The following MSH6 variants were observed in gnomAD, a reference collection of about 807,000 sequenced individuals.
MSH6 encodes the protein mutS homolog 6.
MSH6 carries 85 observed loss-of-function variants against 119.1 expected under a neutral mutation model. The observed-to-expected ratio is 0.71, with a 90% CI of 0.60 to 0.85. MSH6 has a LOEUF of 0.85. Ranked by LOEUF, MSH6 falls within the 40% of genes least tolerant of loss-of-function variation. MSH6 has a pLI of 0.00. For missense variants in MSH6, 2,163 were observed against 1,655.3 expected (o/e 1.31, Z -5.32); for synonymous variants, 830 against 586.9 (o/e 1.41, Z -5.99).
At chr2:47,808,635 T>G (rs1385110121), downstream of MSH6, 6 of 486,480 alleles carry the variant, frequency 1.2e-5, no homozygotes. Flanking sequence ...GAGAAATGAT[T>G]TGTAAATTGT....
At chr2:47,785,690 G>T (rs185218426) in intron 1 of MSH6, among the ~76,000 whole-genome samples, 28 of 152,250 alleles carry the variant, frequency 1.8e-4, no homozygotes, top group African/African-American at 6.5e-4. Flanking sequence ...ATGCTTGTGG[G>T]GAACAGAGCC....
intron 3 of MSH6, 69 bp downstream of exon 3, chr2:47,796,132 T>C: frequency 1.3e-6 from 2 of 1,504,972 alleles, no homozygotes; most frequent in Middle Eastern, 2.0e-4. Context: ...GGAGGGTGTA[T>C]TAACAAGATA....
rs1395549583 is a variant in MSH6, at chr2:47,800,589, G to A, written c.2606G>A (p.Cys869Tyr). The A allele has an allele frequency of 6.2e-7, 1 of 1,614,124 alleles. No homozygotes were observed. The highest frequency in any genetic ancestry group is 1.1e-5 in the South Asian group (1 of 91,074). ...GCTCTGGAAGGATTCAAAGTAATGT[G>A]TAAAATTATAGGGATCATGGAAGAA... ...LSALEGFKVM[C>Y]KIIGIMEEVA... Residue 869 changes from cysteine to tyrosine, a missense_variant, in exon 4 of 10, where the codon TGT becomes TAT. Transcript: ENST00000234420.
chr2:47,798,509 A>ACAC (rs1646461233), intron 3 of MSH6, 102 bp from the exon 4 acceptor site: 1 of 1,204,606 alleles, frequency 8.3e-7, no homozygotes, highest in Admixed American at 2.0e-5. Context: ...CAGTGGCTGC[A>ACAC]CGGGTACCAT....
At position 47,798,751 on chromosome 2, in the gene MSH6, T is replaced by C. The variant is rs1558659235; in HGVS notation, c.768T>C (p.Ser256=). Residue 256 remains serine, a synonymous_variant, in exon 4 of 10, where the codon AGT becomes AGC. Transcript: ENST00000234420. ...KKRRVISDSE[S]DIGGSDVEFK... is the part of the protein sequence containing the mutation. ...GAAGGGTCATATCAGATTCTGAGAG[T>C]GACATTGGTGGCTCTGATGTGGAAT... 6.2e-7 allele frequency: 1 copy of C among 1,613,682 alleles called. No homozygotes were observed. The highest frequency in any genetic ancestry group is 8.5e-7 in the Non-Finnish European group (1 of 1,179,936).
At chr2:47,808,577 C>G (rs1419054371), downstream of MSH6, 3 of 565,876 alleles carry the variant, frequency 5.3e-6, no homozygotes, top group Admixed American at 1.1e-4. Flanking sequence ...TGAAAAGGAA[C>G]TTTAATGGAG....
At chr2:47,797,253 G>C (rs1669156587) in intron 3 of MSH6, among the ~76,000 whole-genome samples, 1 of 152,190 alleles carries the variant, frequency 6.6e-6, no homozygotes, top group African/African-American at 2.4e-5. Context: ...CATCCTAAAA[G>C]ACATTCATCT....
downstream of MSH6, chr2:47,807,405 A>AAT (rs1471211023): frequency 4.8e-6 from 1 of 206,762 alleles, no homozygotes; most frequent in Non-Finnish European, 9.9e-6. Context: ...GGTGATTTTG[A>AAT]ATGCTGCACA....
At chr2:47,790,407 G>A (rs147543137) in intron 1 of MSH6, among the ~76,000 whole-genome samples, 93 of 152,290 alleles carry the variant, frequency 6.1e-4, no homozygotes, top group African/African-American at 2.1e-3. Context: ...TGTAGGGGGA[G>A]GGTAATAGAG....
At chr2:47,802,945 T>C (rs1213818978) in intron 4 of MSH6, among the ~76,000 whole-genome samples, 1 of 152,158 alleles carries the variant, frequency 6.6e-6, no homozygotes, top group East Asian at 1.9e-4. Context: ...ACAGAGTCTC[T>C]CTGTCGCCCA....
rs758118126 is a variant in MSH6, at chr2:47,799,685, T to G, written c.1702T>G (p.Phe568Val). 6 of 1,614,094 alleles carry G rather than the reference T, an allele frequency of 3.7e-6. No individual in the cohort carries two copies. The highest frequency in any genetic ancestry group is 5.1e-6 in the Non-Finnish European group (6 of 1,180,016). ...CTTTGTTGATACTTCACTGGGAAAG[T>G]TTTTCATAGGTCAGTTTTCAGATGA... ...VCFVDTSLGK[F>V]FIGQFSDDRH... is the part of the protein sequence containing the mutation. The change falls in exon 4 of 10, where the codon TTT becomes GTT. Residue 568 changes from phenylalanine to valine, a missense_variant. Physicochemically the swap from Phe to Val is conservative, Grantham distance 50 (BLOSUM62 -1). Transcript: ENST00000234420.
At position 47,796,127 on chromosome 2, in the gene MSH6, G is replaced by A. The variant is rs1039368044; in HGVS notation, c.627+64G>A. The A allele has an allele frequency of 2.6e-6, 4 of 1,547,218 alleles. No homozygotes were observed. In the African/African-American group the frequency reaches 5.5e-5, roughly 21 times the overall value. Reference sequence around the variant, plus strand: ...GGTGATGGGGGAAGAAAGGGGGAGGGTGTATTAACAAGATACCTTGTTTTA... The same window carrying A: ...GGTGATGGGGGAAGAAAGGGGGAGGATGTATTAACAAGATACCTTGTTTTA... On this transcript the variant is annotated intron_variant, in intron 3 of 9. Coordinates refer to ENST00000234420, the MANE Select transcript of MSH6 (RefSeq NM_000179.3).
chr2:47,802,579 C>T lies in MSH6; in HGVS notation c.3173-841C>T, dbSNP rs191314319. 3.5e-4 allele frequency among the ~76,000 whole-genome samples: 53 copies of T among 151,234 alleles called. 1 individual carries two copies. The highest frequency in any genetic ancestry group is 7.0e-3 in the Middle Eastern group (2 of 284). ...ATTCCTGACCTCAAAGCGATCTGCC[C>T]GCCTTGATCTCCGAAAGAGCTGGGA... On this transcript the variant is annotated intron_variant, in intron 4 of 9. Transcript: ENST00000234420.
At chr2:47,808,864 CTTTGT>C (rs754935413), downstream of MSH6, 3 of 286,596 alleles carry the variant, frequency 1.0e-5, no homozygotes, top group African/African-American at 4.4e-5. Context: ...TAGTTATGGT[CTTTGT>C]TTTGTTTTGT....
At chr2:47,793,347 A>AAAAG (rs1668867670) in intron 2 of MSH6, among the ~76,000 whole-genome samples, 1 of 132,918 alleles carries the variant, frequency 7.5e-6, no homozygotes, top group Non-Finnish European at 1.6e-5. Flanking sequence ...AAAAAAAAAA[A>AAAAG]GGCTGGGCAC....
In MSH6 at chr2:47,800,419, A is replaced by G. The variant is rs897288945; in HGVS notation, c.2436A>G (p.Leu812=). ...PDKISEVVEL[L]KKLPDLERLL... ...AAATCTCCGAAGTTGTAGAGCTTCT[A>G]AAGAAGCTTCCAGATCTTGAGAGGC... The change falls in exon 4 of 10, where the codon CTA becomes CTG. Residue 812 remains leucine (L), a synonymous_variant. Coordinates refer to ENST00000234420, the MANE Select transcript of MSH6 (RefSeq NM_000179.3). 17 of 1,614,122 alleles carry G rather than the reference A, an allele frequency of 1.1e-5. 1 individual carries two copies. The highest frequency in any genetic ancestry group is 1.3e-5 in the Non-Finnish European group (15 of 1,180,022).
At position 47,806,755 on chromosome 2, in the gene MSH6, T is replaced by C. The variant is rs1160687655; in HGVS notation, c.4002-24T>C. The C allele has an allele frequency of 2.6e-6, 4 of 1,514,390 alleles. No homozygotes were observed. In the African/African-American group the frequency reaches 4.7e-5, roughly 18 times the overall value. The allele number at this position is 1,514,390 out of a possible 1,614,324, so 93.8% of individuals were successfully genotyped here. A position where few individuals can be genotyped will look rare whatever the true frequency, so the allele number is the denominator to read the frequency against. ...CACTATGAAAAAACAAAAAAACTTT[T>C]TTTTTTTTTTTTTTAATTTTAAGGG... On this transcript the variant is annotated intron_variant, in intron 9 of 9. Coordinates refer to ENST00000234420, the MANE Select transcript of MSH6 (RefSeq NM_000179.3).
rs878853741 is a variant in MSH6, at chr2:47,806,531, G to A, written c.3881G>A (p.Cys1294Tyr). The change falls in exon 9 of 10, where the codon TGT (cysteine) becomes TAT (tyrosine). Residue 1294 changes from cysteine to tyrosine, a missense_variant. Physicochemically the swap from Cys to Tyr is radical, Grantham distance 194 (BLOSUM62 -2). Coordinates refer to ENST00000234420, the MANE Select transcript of MSH6 (RefSeq NM_000179.3). ...CTCTATAAATTCATTAAGGGAGCTTGTCCTAAAAGCTATGGCTTTAATGCA... is the reference window on the plus strand; with the variant it reads ...CTCTATAAATTCATTAAGGGAGCTTATCCTAAAAGCTATGGCTTTAATGCA... ...TFLYKFIKGACPKSYGFNAAR... is the reference protein window; with the variant it reads ...TFLYKFIKGAYPKSYGFNAAR... 2 of 1,613,798 alleles carry A rather than the reference G, an allele frequency of 1.2e-6. No homozygotes were observed. Among genetic ancestry groups the A allele is most frequent in the Non-Finnish European group, 1.7e-6 (2 of 1,179,908 alleles).
rs777159874 is a variant in MSH6 at position 47,799,852 on chromosome 2, CG to C, written c.1871del (p.Gly624AlafsTer11). On this transcript the variant is annotated frameshift_variant, in exon 4 of 10. Coordinates refer to ENST00000234420, the MANE Select transcript of MSH6 (RefSeq NM_000179.3). LOFTEE classifies it high-confidence loss of function. ...SCSLQEGLIP[G>X]SQFWDASKTL... ...GTTCTCTTCAGGAAGGTCTGATACC[CG>C]GCTCCCAGTTTTGGGATGCATCCAA... is the stretch of plus-strand genomic sequence containing the variant. The C allele has an allele frequency of 6.2e-7, 1 of 1,614,156 alleles. No homozygotes were observed. Among genetic ancestry groups the C allele is most frequent in the Non-Finnish European group, 8.5e-7 (1 of 1,180,020 alleles).
Sources: gnomAD v4.1 joint callset for allele counts (sites outside exome capture counted in the v4.1 genomes callset) on GRCh38, gnomAD v4.1.1 for gene constraint, MANE v1.5 for transcripts, NCBI Gene and HGNC (gene_info 2026-07-23, HGNC 2026-07-21) for gene names.